TMTC3: variants seen among roughly 807,000 people sequenced by gnomAD.
TMTC3 encodes protein O-mannosyl-transferase TMTC3.
A neutral mutation model predicts 92.2 loss-of-function variants in TMTC3; 52 were observed. That is an observed-to-expected ratio of 0.56 (90% CI 0.45 to 0.71). TMTC3 has a LOEUF of 0.71. Among genes scored for constraint, TMTC3 ranks in the 30% least tolerant of loss-of-function variants. TMTC3 has a pLI of 0.00. For synonymous variants in TMTC3, 339 were observed against 363.3 expected, an observed-to-expected ratio of 0.93 and a Z score of 0.76; for missense variants, 896 against 1,057.1, an observed-to-expected ratio of 0.85 and a Z score of 2.11.
At chr12:88,174,586 T>C (rs1370605596) in intron 8 of TMTC3, 21 bp from the exon 9 acceptor site, 1 of 1,589,804 alleles carries the variant, frequency 6.3e-7, no homozygotes, top group African/African-American at 1.4e-5. Context: ...TTTTTTGTTT[T>C]GCTTTTTTTC....
rs201431220 is a variant in TMTC3 at position 88,188,840 on chromosome 12, T to C, written c.1433-3T>C. On this transcript the variant is annotated splice_polypyrimidine_tract_variant and splice_region_variant and intron_variant, in intron 10 of 13. Coordinates refer to ENST00000266712, the MANE Select transcript of TMTC3 (RefSeq NM_181783.4). ...CCAACAAATGATTGTTTTAAAATTT[T>C]AGATGATATTGGTGCCCATATGAAT... 8.5e-4 allele frequency: 1,259 copies of C among 1,484,702 alleles called. 2 individuals carry two copies. The highest frequency in any genetic ancestry group is 1.1e-3 in the Non-Finnish European group (1,174 of 1,081,476). 92.0% of individuals were successfully genotyped at this position (1,484,702 alleles called of 1,614,324 possible).
chr12:88,142,408 C>G lies in TMTC3; in HGVS notation c.-108C>G, dbSNP rs1245908554. On this transcript the variant is annotated 5_prime_UTR_variant, in exon 1 of 14. Transcript: ENST00000266712. ...GTGGCCTGAACGAGGTAGACCATGA[C>G]TGTGGTTTCAGTGGCGTCACTCGCT... is the stretch of plus-strand genomic sequence containing the variant. 2.0e-5 allele frequency: 3 copies of G among 152,444 alleles called. No homozygotes were observed. Among genetic ancestry groups the G allele is most frequent in the Admixed American group, 2.0e-4 (3 of 15,292 alleles). 9.4% of individuals were successfully genotyped at this position (152,444 alleles called of 1,614,324 possible). A position where few individuals can be genotyped will look rare whatever the true frequency, so the allele number is the denominator to read the frequency against.
chr12:88,163,396 C>G (rs919430808), intron 6 of TMTC3, among the ~76,000 whole-genome samples: 45 of 152,168 alleles, frequency 3.0e-4, no homozygotes, highest in African/African-American at 9.9e-4. Flanking sequence ...ATTTTTAGCT[C>G]TAATGCATTC....
At chr12:88,191,637 G>A (rs11104753) in intron 12 of TMTC3, among the ~76,000 whole-genome samples, 18,133 of 152,108 alleles carry the variant, frequency 0.12, 1,975 homozygotes, top group African/African-American at 0.29. Context: ...TTCTAAGTGT[G>A]TTCCTCAAAG....
intron 13 of TMTC3, among the ~76,000 whole-genome samples, chr12:88,193,120 A>G (rs111547158): frequency 6.6e-6 from 1 of 152,184 alleles, no homozygotes. Context: ...CATTTTATAT[A>G]CATAAACATA....
In TMTC3 at chr12:88,148,444, TCC is replaced by T; in HGVS notation, c.130_131del (p.Pro44IlefsTer11). On this transcript the variant is annotated frameshift_variant, in exon 2 of 14. Coordinates refer to ENST00000266712, the MANE Select transcript of TMTC3 (RefSeq NM_181783.4). LOFTEE classifies it high-confidence loss of function. ...CAATACTGGATAACAAAGACTTGCA[TCC>T]ATCTACACCTTTAAAAACTTTATTT... ...SAILDNKDLHPSTPLKTLFQN... is the reference protein window; with the variant it reads ...SAILDNKDLHXSTPLKTLFQN... 6.2e-7 allele frequency: 1 copy of T among 1,613,124 alleles called. No homozygotes were observed. The highest frequency in any genetic ancestry group is 1.3e-5 in the African/African-American group (1 of 74,886).
chr12:88,148,815 T>A (rs2040907336), intron 2 of TMTC3, among the ~76,000 whole-genome samples: 1 of 152,074 alleles, frequency 6.6e-6, no homozygotes, highest in East Asian at 1.9e-4. Flanking sequence ...TATGCTGATG[T>A]TTGGGGTACC....
Position 88,160,200 on chromosome 12 carries a change from T to A in TMTC3, c.595T>A (p.Cys199Ser). Residue 199 changes from cysteine to serine, a missense_variant, in exon 5 of 14, where the codon TGT becomes AGT. By Grantham distance (112) the Cys-to-Ser change is moderately radical. Coordinates refer to ENST00000266712, the MANE Select transcript of TMTC3 (RefSeq NM_181783.4). ...EQGITVVGIC[C>S]VYEVFIAQGY... Reference sequence around the variant, plus strand: ...AGGAATAACAGTTGTAGGAATTTGCTGTGTGTATGAAGTGTTTATTGCCCA... The same window carrying A: ...AGGAATAACAGTTGTAGGAATTTGCAGTGTGTATGAAGTGTTTATTGCCCA... 6.3e-7 allele frequency: 1 copy of A among 1,588,068 alleles called. No individual in the cohort carries two copies. The highest frequency in any genetic ancestry group is 8.5e-7 in the Non-Finnish European group (1 of 1,169,618).
intron 9 of TMTC3, among the ~76,000 whole-genome samples, chr12:88,175,769 A>G (rs2041253052): frequency 6.6e-6 from 1 of 152,226 alleles, no homozygotes; most frequent in Admixed American, 6.5e-5. Flanking sequence ...CTGAAAGCAC[A>G]GATTGACTCA....
intron 2 of TMTC3, 30 bp from the exon 3 acceptor site, chr12:88,153,261 T>C (rs747163041): frequency 6.5e-7 from 1 of 1,544,674 alleles, no homozygotes; most frequent in East Asian, 2.3e-5. Flanking sequence ...CAAGGTACTT[T>C]AATAATCACT....
intron 10 of TMTC3, among the ~76,000 whole-genome samples, chr12:88,184,775 A>AATAT (rs143465873): frequency 1.3e-5 from 2 of 151,104 alleles, no homozygotes; most frequent in African/African-American, 4.8e-5. Context: ...ACCACATGTA[A>AATAT]ATATATATAT....
intron 1 of TMTC3, among the ~76,000 whole-genome samples, chr12:88,143,485 A>C (rs2040812941): frequency 2.0e-5 from 3 of 152,256 alleles, no homozygotes; most frequent in African/African-American, 7.2e-5. Context: ...AGGCTTGGAG[A>C]AGCTAAGTAA....
chr12:88,159,811 G>A (rs1348603553), intron 4 of TMTC3, among the ~76,000 whole-genome samples: 3 of 151,940 alleles, frequency 2.0e-5, no homozygotes, highest in Non-Finnish European at 4.4e-5. Context: ...CATTAATTAT[G>A]ACACACAAAC....
intron 10 of TMTC3, among the ~76,000 whole-genome samples, chr12:88,181,454 T>C (rs1025925470): frequency 2.6e-5 from 4 of 152,080 alleles, no homozygotes; most frequent in Admixed American, 1.3e-4. Context: ...TAGTTAAGTT[T>C]CTTCAGTTTT....
At chr12:88,173,218 T>C (rs1023700391) in intron 8 of TMTC3, 1 of 537,964 alleles carries the variant, frequency 1.9e-6, no homozygotes. Context: ...AGGAACAGCA[T>C]AGTCACACTG....
In TMTC3 at chr12:88,197,491, A is replaced by G. The variant is rs2041528392; in HGVS notation, c.*1842A>G. 1 of 152,240 alleles carries G rather than the reference A, an allele frequency of 6.6e-6. No individual in the cohort carries two copies. The allele number at this position is 152,240 out of a possible 1,614,324, so 9.4% of individuals were successfully genotyped here. A position where few individuals can be genotyped will look rare whatever the true frequency, so the allele number is the denominator to read the frequency against. On this transcript the variant is annotated 3_prime_UTR_variant, in exon 14 of 14. Coordinates refer to ENST00000266712, the MANE Select transcript of TMTC3 (RefSeq NM_181783.4). ...TCTCCATGTATCTTTCTTAAGGAAA[A>G]GTTTCTGAGTGTGATCTCTCTTTTG... is the stretch of plus-strand genomic sequence containing the variant.
intron 10 of TMTC3, among the ~76,000 whole-genome samples, chr12:88,184,704 T>G (rs2041356156): frequency 6.6e-6 from 1 of 152,224 alleles, no homozygotes. Flanking sequence ...TAAAACAAAT[T>G]TCCTCCCTTC....
At chr12:88,156,143 C>A (rs2041006816) in intron 4 of TMTC3, among the ~76,000 whole-genome samples, 1 of 152,156 alleles carries the variant, frequency 6.6e-6, no homozygotes, top group Non-Finnish European at 1.5e-5. Flanking sequence ...CTTGGTCTGT[C>A]TCTTTAAGTA....
intron 3 of TMTC3, among the ~76,000 whole-genome samples, chr12:88,154,082 A>T (rs985483636): frequency 1.5e-4 from 23 of 152,218 alleles, no homozygotes; most frequent in East Asian, 3.9e-4. Context: ...AAATAAATTT[A>T]AAAAAGTATA....
Sources: gnomAD v4.1 joint callset for allele counts (sites outside exome capture counted in the v4.1 genomes callset) on GRCh38, gnomAD v4.1.1 for gene constraint, MANE v1.5 for transcripts, NCBI Gene and HGNC (gene_info 2026-07-23, HGNC 2026-07-21) for gene names.